The following AFF2 variants were observed in gnomAD, a reference collection of about 807,000 sequenced individuals.
AFF2 encodes the protein AF4/FMR2 family member 2.
Under a neutral mutation model 76.9 loss-of-function variants are expected in AFF2, and 14 were observed. The ratio of observed to expected loss-of-function variants is 0.18; its 90% CI spans 0.12 to 0.28. The LOEUF (loss-of-function observed/expected upper bound fraction) is 0.28. Among genes scored for constraint, AFF2 ranks in the 10% least tolerant of loss-of-function variants. AFF2 has a pLI of 1.00. For synonymous variants in AFF2, 398 were observed against 366.7 expected (o/e 1.09, Z -0.98); for missense variants, 868 against 1,001.1 (o/e 0.87, Z 1.79).
intron 1 of AFF2, among the ~76,000 whole-genome samples, chrX:148,602,415 G>A (rs1191354436): frequency 4.5e-5 from 5 of 110,293 alleles, no homozygotes; most frequent in African/African-American, 9.9e-5. Flanking sequence ...TAATAAAAAT[G>A]TAGTCCTCTT....
At chrX:148,909,678 A>G (rs1485256951) in intron 9 of AFF2, among the ~76,000 whole-genome samples, 1 of 112,216 alleles carries the variant, frequency 8.9e-6, no homozygotes, top group Non-Finnish European at 1.9e-5. Flanking sequence ...AGACTCAAAC[A>G]TGAGTGTTCT....
At chrX:148,687,478 G>GA (rs1335915473) in intron 3 of AFF2, among the ~76,000 whole-genome samples, 10 of 111,558 alleles carry the variant, frequency 9.0e-5, no homozygotes, top group Admixed American at 3.8e-4. Context: ...TTTCATACTA[G>GA]AAAAAATGTT....
At chrX:148,763,565 A>C (rs1394899690) in intron 3 of AFF2, among the ~76,000 whole-genome samples, 1 of 111,189 alleles carries the variant, frequency 9.0e-6, no homozygotes, top group Non-Finnish European at 1.9e-5. Context: ...GAGACATTGT[A>C]AGTGTTCTCA....
chrX:148,584,726 C>T (rs956133657), intron 1 of AFF2, among the ~76,000 whole-genome samples: 20 of 109,415 alleles, frequency 1.8e-4, no homozygotes, highest in African/African-American at 6.3e-4. Flanking sequence ...TTAGTAGAGA[C>T]GGAATTTCAC....
chrX:148,668,243 T>C (rs2054380628), intron 3 of AFF2, among the ~76,000 whole-genome samples: 1 of 113,217 alleles, frequency 8.8e-6, no homozygotes, highest in African/African-American at 3.2e-5. Context: ...CCCCTGTGGC[T>C]TTGCAGGGCG....
At chrX:148,889,715 A>G (rs782348807) in intron 8 of AFF2, among the ~76,000 whole-genome samples, 3 of 112,044 alleles carry the variant, frequency 2.7e-5, no homozygotes, top group African/African-American at 9.7e-5. Flanking sequence ...CAATGCTGGG[A>G]CAGTGTAGGA....
At chrX:148,718,614 GTAC>G (rs1303273530) in intron 3 of AFF2, among the ~76,000 whole-genome samples, 4 of 111,839 alleles carry the variant, frequency 3.6e-5, no homozygotes, top group African/African-American at 6.5e-5. Context: ...TAAATAGAAA[GTAC>G]TACTATTAGT....
Position 148,837,298 on chromosome X carries a change from A to G in AFF2, c.1087-349A>G, listed in dbSNP as rs782037804. On this transcript the variant is annotated intron_variant, in intron 4 of 20. Coordinates refer to ENST00000370460, the MANE Select transcript of AFF2 (RefSeq NM_002025.4). Reference sequence around the variant, plus strand: ...GGGATAGGATTACTATCTTCCAACAACTGAAGGCTTGTCATTCAAAAGAAG... The same window carrying G: ...GGGATAGGATTACTATCTTCCAACAGCTGAAGGCTTGTCATTCAAAAGAAG... Among the ~76,000 whole-genome samples, 3 of 112,286 alleles carry G rather than the reference A, an allele frequency of 2.7e-5. No individual in the cohort carries two copies. In the South Asian group the frequency reaches 1.1e-3, roughly 42 times the overall value.
chrX:148,788,892 G>A (rs548389634), intron 3 of AFF2, among the ~76,000 whole-genome samples: 15 of 111,883 alleles, frequency 1.3e-4, no homozygotes, highest in Middle Eastern at 9.2e-3. Flanking sequence ...AGCCTTGGGT[G>A]GTTATGTTTG....
At position 148,991,573 on chromosome X, in the gene AFF2, A is replaced by G; in HGVS notation, c.*241A>G. ...TTAGCATTTGATATGCATTTCTCAG[A>G]TTCCACCATCTTTTTGTGCTTTATG... On this transcript the variant is annotated 3_prime_UTR_variant, in exon 21 of 21. Transcript: ENST00000370460. 4.0e-6 allele frequency: 1 copy of G among 253,069 alleles called. No homozygotes were observed. Among genetic ancestry groups the G allele is most frequent in the Non-Finnish European group, 6.9e-6 (1 of 145,911 alleles). The allele number at this position is 253,069 out of a possible 1,213,427, so 20.9% of individuals were successfully genotyped here.
intron 12 of AFF2, among the ~76,000 whole-genome samples, 179 bp downstream of exon 12, chrX:148,958,637 G>T (rs2072070878): frequency 9.0e-6 from 1 of 111,522 alleles, no homozygotes; most frequent in African/African-American, 3.3e-5. Context: ...TGTGATAAGG[G>T]GTAGAACATA....
At chrX:148,627,959 TTGGCCAAGC>T (rs1309176052) in intron 1 of AFF2, among the ~76,000 whole-genome samples, 1 of 111,724 alleles carries the variant, frequency 9.0e-6, no homozygotes, top group East Asian at 2.8e-4. Flanking sequence ...AGCTCTGAGA[TTGGCCAAGC>T]TGGCCAAGGG....
At chrX:148,828,155 C>A (rs1428517436) in intron 4 of AFF2, among the ~76,000 whole-genome samples, 1 of 112,063 alleles carries the variant, frequency 8.9e-6, no homozygotes, top group Non-Finnish European at 1.9e-5. Flanking sequence ...GCTGGAAATT[C>A]AACATTGCAA....
chrX:148,613,542 T>C (rs1267799215), intron 1 of AFF2, among the ~76,000 whole-genome samples: 2 of 111,633 alleles, frequency 1.8e-5, no homozygotes, highest in African/African-American at 6.5e-5. Context: ...GCCATCTGCC[T>C]AAAGAGTTCA....
chrX:148,521,080 G>T (rs184026588), intron 1 of AFF2, among the ~76,000 whole-genome samples: 1 of 111,629 alleles, frequency 9.0e-6, no homozygotes, highest in African/African-American at 3.3e-5. Context: ...AATGAACTTG[G>T]ATAGAAGCTA....
chrX:148,940,714 C>T (rs2071823735), intron 9 of AFF2, among the ~76,000 whole-genome samples: 1 of 111,567 alleles, frequency 9.0e-6, no homozygotes, highest in Non-Finnish European at 1.9e-5. Flanking sequence ...CCCTGCCATT[C>T]CACATACAGG....
chrX:148,657,477 C>T (rs2054264818), intron 2 of AFF2, among the ~76,000 whole-genome samples: 1 of 112,129 alleles, frequency 8.9e-6, no homozygotes, highest in Non-Finnish European at 1.9e-5. Flanking sequence ...ACAATAGCCT[C>T]CTAGCACATT....
intron 8 of AFF2, among the ~76,000 whole-genome samples, chrX:148,897,260 T>TGAAAA (rs1557280433): frequency 2.4e-5 from 1 of 42,021 alleles, no homozygotes; most frequent in Admixed American, 3.0e-4. Context: ...TATATATATA[T>TGAAAA]ATATATATAT....
intron 3 of AFF2, among the ~76,000 whole-genome samples, chrX:148,740,030 T>G (rs782105378): frequency 8.9e-6 from 1 of 112,147 alleles, no homozygotes; most frequent in Non-Finnish European, 1.9e-5. Flanking sequence ...GTTAATCTGA[T>G]AGATTTGCCT....
Sources: gnomAD v4.1 joint callset for allele counts (sites outside exome capture counted in the v4.1 genomes callset) on GRCh38, gnomAD v4.1.1 for gene constraint, MANE v1.5 for transcripts, NCBI Gene and HGNC (gene_info 2026-07-23, HGNC 2026-07-21) for gene names.